Variants in EXOC6B observed in about 807,000 individuals in gnomAD.
EXOC6B encodes exocyst complex component 6B, also known as SEC15 homolog B.
Under a neutral mutation model 113.5 loss-of-function variants are expected in EXOC6B, and 54 were observed. That is an observed-to-expected ratio of 0.48 (90% CI 0.38 to 0.60). EXOC6B has a LOEUF of 0.60. Among genes scored for constraint, EXOC6B ranks in the 20% least tolerant of loss-of-function variants. The probability of loss-of-function intolerance (pLI) is 0.00; values close to 1 mark genes in which losing one functional copy is unlikely to be tolerated. For synonymous variants in EXOC6B, 357 were observed against 339.0 expected (o/e 1.05, Z -0.58); for missense variants, 797 against 977.5 (o/e 0.82, Z 2.46).
chr2:72,652,975 A>C (rs1266427231), intron 6 of EXOC6B, among the ~76,000 whole-genome samples: 1 of 151,842 alleles, frequency 6.6e-6, no homozygotes, highest in African/African-American at 2.4e-5. Flanking sequence ...GTGAGACCTC[A>C]GTTATATATA....
At chr2:72,235,625 A>C (rs1681912872) in intron 20 of EXOC6B, among the ~76,000 whole-genome samples, 1 of 152,210 alleles carries the variant, frequency 6.6e-6, no homozygotes, top group Non-Finnish European at 1.5e-5. Context: ...CTGTCTAGAA[A>C]CTGAGTGAAA....
At chr2:72,257,706 C>T (rs2104569781) in intron 20 of EXOC6B, among the ~76,000 whole-genome samples, 1 of 152,268 alleles carries the variant, frequency 6.6e-6, no homozygotes, top group Non-Finnish European at 1.5e-5. Context: ...ACACTGATGC[C>T]TTCCTATTCT....
At chr2:72,305,366 G>GTATATC in intron 20 of EXOC6B, among the ~76,000 whole-genome samples, 1 of 151,800 alleles carries the variant, frequency 6.6e-6, no homozygotes, top group South Asian at 2.1e-4. Flanking sequence ...ATATGTATAT[G>GTATATC]TATATGTGTA....
chr2:72,512,314 C>CAGAA (rs1162598660), intron 11 of EXOC6B, among the ~76,000 whole-genome samples: 1 of 107,554 alleles, frequency 9.3e-6, no homozygotes, highest in Non-Finnish European at 1.8e-5. Context: ...TTAAGAAACA[C>CAGAA]GGAAGGAAGG....
At chr2:72,814,155 C>G (rs184650404) in intron 1 of EXOC6B, among the ~76,000 whole-genome samples, 4 of 152,262 alleles carry the variant, frequency 2.6e-5, no homozygotes, top group Admixed American at 2.0e-4. Flanking sequence ...AGTCTGTGTT[C>G]CTCCACAGCT....
At chr2:72,527,358 G>A (rs1701794340) in intron 8 of EXOC6B, among the ~76,000 whole-genome samples, 1 of 151,838 alleles carries the variant, frequency 6.6e-6, no homozygotes, top group South Asian at 2.1e-4. Context: ...GATTCATCCA[G>A]TTTGTTACAT....
chr2:72,505,437 C>T (rs910769490), intron 11 of EXOC6B, among the ~76,000 whole-genome samples: 1 of 152,116 alleles, frequency 6.6e-6, no homozygotes, highest in Non-Finnish European at 1.5e-5. Flanking sequence ...ATGACCATAT[C>T]AGAGGATCTT....
chr2:72,701,365 A>T (rs1397599125), intron 6 of EXOC6B, among the ~76,000 whole-genome samples: 1 of 151,352 alleles, frequency 6.6e-6, no homozygotes, highest in Non-Finnish European at 1.5e-5. Context: ...AAAAAGCTGT[A>T]CCTAAGAGAA....
At chr2:72,547,997 A>C (rs1703001628) in intron 8 of EXOC6B, among the ~76,000 whole-genome samples, 1 of 152,224 alleles carries the variant, frequency 6.6e-6, no homozygotes, top group African/African-American at 2.4e-5. Context: ...AACCATATAA[A>C]ATTTTTTAAA....
At chr2:72,581,004 T>C (rs1273057253) in intron 6 of EXOC6B, among the ~76,000 whole-genome samples, 2 of 152,170 alleles carry the variant, frequency 1.3e-5, no homozygotes, top group Admixed American at 6.5e-5. Flanking sequence ...CATGAGATCA[T>C]ACAATTGAAT....
chr2:72,599,616 C>G (rs1422898011), intron 6 of EXOC6B, among the ~76,000 whole-genome samples: 1 of 151,940 alleles, frequency 6.6e-6, no homozygotes, highest in African/African-American at 2.4e-5. Flanking sequence ...TGTTTGCCAA[C>G]CACATGATTG....
chr2:72,695,254 A>C (rs988586857), intron 6 of EXOC6B, among the ~76,000 whole-genome samples: 22 of 152,204 alleles, frequency 1.4e-4, no homozygotes, highest in Admixed American at 3.9e-4. Context: ...AGGCTTTTCT[A>C]GTAGTAAACT....
intron 19 of EXOC6B, among the ~76,000 whole-genome samples, chr2:72,360,379 C>A (rs1408112108): frequency 6.6e-6 from 1 of 152,182 alleles, no homozygotes; most frequent in African/African-American, 2.4e-5. Context: ...TGAGCCACTG[C>A]ACCTGGACTT....
At chr2:72,800,604 C>G (rs1207589848) in intron 1 of EXOC6B, among the ~76,000 whole-genome samples, 1 of 152,114 alleles carries the variant, frequency 6.6e-6, no homozygotes, top group Non-Finnish European at 1.5e-5. Context: ...CCTTGTAAGA[C>G]AGCTCCCCTT....
At chr2:72,215,642 A>T (rs140957856) in intron 20 of EXOC6B, among the ~76,000 whole-genome samples, 44 of 152,266 alleles carry the variant, frequency 2.9e-4, no homozygotes, top group South Asian at 1.4e-3. Flanking sequence ...GAAAGAAGGC[A>T]GCTAAAATTG....
chr2:72,337,949 G>C (rs1688786213), intron 19 of EXOC6B, among the ~76,000 whole-genome samples: 1 of 152,000 alleles, frequency 6.6e-6, no homozygotes, highest in Non-Finnish European at 1.5e-5. Flanking sequence ...AGATTCATTG[G>C]GCACATGTAC....
intron 20 of EXOC6B, among the ~76,000 whole-genome samples, chr2:72,223,956 T>C (rs749701230): frequency 1.4e-4 from 22 of 152,228 alleles, no homozygotes; most frequent in Non-Finnish European, 2.5e-4. Flanking sequence ...CACAATGGTC[T>C]TATGTTTCAA....
At chr2:72,492,603 G>GA (rs549947172) in intron 15 of EXOC6B, among the ~76,000 whole-genome samples, 174 bp from the exon 16 acceptor site, 16 of 147,464 alleles carry the variant, frequency 1.1e-4, no homozygotes, top group Non-Finnish European at 1.9e-4. Context: ...TTTGTTGGCT[G>GA]AAAAAAAAAT....
In EXOC6B at chr2:72,671,787, G is replaced by GAAAGAAAGAAAGAAAGAAAGAA. The variant is rs1675861209; in HGVS notation, c.669+46294_669+46315dup. 7.4e-4 allele frequency among the ~76,000 whole-genome samples: 78 copies of GAAAGAAAGAAAGAAAGAAAGAA among 104,918 alleles called. 1 individual carries two copies. The highest frequency in any genetic ancestry group is 3.4e-3 in the African/African-American group (68 of 20,254). The allele number at this position is 104,918 out of a possible 152,430, so 68.8% of individuals were successfully genotyped here. ...AGAAAGAAAGAAAGAAAGAAAGAAA[G>GAAAGAAAGAAAGAAAGAAAGAA]AAAGAAAGAAAGAAAGAAAGAAAGA... On this transcript the variant is annotated intron_variant, in intron 6 of 21. Coordinates refer to ENST00000272427, the MANE Select transcript of EXOC6B (RefSeq NM_015189.3).
Sources: allele counts gnomAD v4.1 joint callset (sites outside exome capture counted in the v4.1 genomes callset), GRCh38; gene constraint gnomAD v4.1.1; transcripts MANE v1.5; gene names NCBI Gene and HGNC (gene_info 2026-07-23, HGNC 2026-07-21).